Variants in H2BC4 observed in about 807,000 individuals in gnomAD.
H2BC4 encodes the protein H2B clustered histone 4, also known as histone H2B type 1-C/E/F/G/I.
A neutral mutation model predicts 6.2 loss-of-function variants in H2BC4; 10 were observed. The observed-to-expected ratio is 1.61, with a 90% CI of 0.99 to 2.73. The LOEUF is 2.73. H2BC4 is among the 30% of genes most tolerant of loss of function. The probability of loss-of-function intolerance (pLI) is 0.00; values close to 1 mark genes in which losing one functional copy is unlikely to be tolerated. For synonymous variants in H2BC4, 146 were observed against 70.7 expected (o/e 2.07, Z -5.35); for missense variants, 176 against 168.7 (o/e 1.04, Z -0.24).
rs1206693405 is a variant in H2BC4, at chr6:26,123,467, T to C, written c.*57A>G. 1.2e-6 allele frequency: 2 copies of C among 1,607,126 alleles called. No homozygotes were observed. Among genetic ancestry groups the C allele is most frequent in the Non-Finnish European group, 1.7e-6 (2 of 1,177,206 alleles). ...GGCCACAGCTCTTTTAGTGGGTATC[T>C]GGGTGGCTCTTAAAAGAGCCTTTGG... On this transcript the variant is annotated 3_prime_UTR_variant, in exon 1 of 1. Coordinates refer to ENST00000396984, the MANE Select transcript of H2BC4 (RefSeq NM_003526.3).
intron 1 of H2BC4, among the ~76,000 whole-genome samples, chr6:26,117,719 A>C (rs987945796): frequency 3.9e-5 from 6 of 152,268 alleles, no homozygotes; most frequent in Non-Finnish European, 7.3e-5. Flanking sequence ...TGCTCAAGGT[A>C]TATCAAGCAA....
downstream of H2BC4, among the ~76,000 whole-genome samples, chr6:26,122,875 T>C (rs1763521848): frequency 6.6e-6 from 1 of 152,174 alleles, no homozygotes; most frequent in Non-Finnish European, 1.5e-5. Context: ...AGTGCTTACA[T>C]CTTTAGTTCT....
chr6:26,113,828 T>C (rs1763387925), downstream of H2BC4, among the ~76,000 whole-genome samples: 2 of 152,060 alleles, frequency 1.3e-5, no homozygotes, highest in African/African-American at 4.8e-5. Context: ...CACATAGCCT[T>C]TCCTCAGTAT....
At chr6:26,115,082 T>C (rs938952477) in exon 2 of H2BC4, 2 of 152,180 alleles carry the variant, frequency 1.3e-5, no homozygotes, top group African/African-American at 4.8e-5. Context: ...GATGAAACAG[T>C]GTCCAGCAGT....
At chr6:26,122,841 GATGT>G (rs1352551101), downstream of H2BC4, among the ~76,000 whole-genome samples, 2 of 152,216 alleles carry the variant, frequency 1.3e-5, no homozygotes, top group African/African-American at 2.4e-5. Flanking sequence ...AATAGAATAA[GATGT>G]ATGAAGCAAC....
At chr6:26,119,270 A>G (rs1309983709), downstream of H2BC4, among the ~76,000 whole-genome samples, 4 of 152,206 alleles carry the variant, frequency 2.6e-5, no homozygotes, top group Non-Finnish European at 5.9e-5. Flanking sequence ...AACAGTATCT[A>G]TTCTAAGGCA....
chr6:26,121,606 CAT>C (rs1042707268), downstream of H2BC4, among the ~76,000 whole-genome samples: 1 of 152,022 alleles, frequency 6.6e-6, no homozygotes, highest in African/African-American at 2.4e-5. Context: ...CAGGCAAAAA[CAT>C]AATCTATGTA....
chr6:26,122,165 A>C (rs962303574), downstream of H2BC4, among the ~76,000 whole-genome samples: 2 of 152,154 alleles, frequency 1.3e-5, no homozygotes, highest in African/African-American at 2.4e-5. Context: ...CTGTGATTGC[A>C]CAGCAGTGTT....
downstream of H2BC4, among the ~76,000 whole-genome samples, chr6:26,121,551 C>T (rs984694622): frequency 2.0e-5 from 3 of 152,004 alleles, no homozygotes; most frequent in African/African-American, 7.3e-5. Context: ...TTACTGGGTA[C>T]TTGTACAGAA....
downstream of H2BC4, among the ~76,000 whole-genome samples, chr6:26,121,330 G>A (rs887604032): frequency 3.3e-5 from 5 of 152,302 alleles, no homozygotes; most frequent in South Asian, 1.0e-3. Context: ...AATCAGCCAA[G>A]TCCAATTAGA....
downstream of H2BC4, among the ~76,000 whole-genome samples, chr6:26,113,725 G>A (rs546827629): frequency 2.0e-5 from 3 of 152,268 alleles, no homozygotes; most frequent in East Asian, 3.9e-4. Flanking sequence ...AGTTCTGGAG[G>A]CTGGAAGTCT....
chr6:26,123,080 A>G (rs1763527773), downstream of H2BC4, among the ~76,000 whole-genome samples: 1 of 152,212 alleles, frequency 6.6e-6, no homozygotes, highest in Admixed American at 6.5e-5. Context: ...CAGAGTCTCA[A>G]AACAGCTTTC....
downstream of H2BC4, among the ~76,000 whole-genome samples, chr6:26,121,400 T>C (rs1242335595): frequency 6.6e-6 from 1 of 152,074 alleles, no homozygotes; most frequent in Non-Finnish European, 1.5e-5. Context: ...CAAAGGAAAG[T>C]GAACAGAAAA....
downstream of H2BC4, chr6:26,123,336 C>T (rs1763535690): frequency 3.9e-6 from 4 of 1,022,682 alleles, no homozygotes. Context: ...TGGCTTCTTT[C>T]GGGTTCAGGA....
chr6:26,118,982 T>C (rs76869871), downstream of H2BC4, among the ~76,000 whole-genome samples: 2,190 of 152,134 alleles, frequency 0.014, 20 homozygotes, highest in Non-Finnish European at 0.02. Context: ...TGACAATCCA[T>C]AGTAAATTGA....
downstream of H2BC4, among the ~76,000 whole-genome samples, chr6:26,114,081 C>T (rs1763390326): frequency 6.6e-6 from 1 of 151,990 alleles, no homozygotes; most frequent in Non-Finnish European, 1.5e-5. Flanking sequence ...CAATTCAGTC[C>T]ATAGTAAACA....
chr6:26,123,609 A>G lies in H2BC4; in HGVS notation c.296T>C (p.Val99Ala), dbSNP rs2113799782. The change falls in exon 1 of 1, where the codon GTG (valine) becomes GCG (alanine). Residue 99 changes from valine (V) to alanine (A), a missense_variant. Physicochemically the swap from Val to Ala is moderately conservative, Grantham distance 64 (BLOSUM62 0). Transcript: ENST00000396984. ...CAGCTCTCCGGGAAGCAGCAGGCGC[A>G]CGGCCGTCTGGATCTCCCTGGAGGT... Reference protein sequence around the residue: ...TITSREIQTAVRLLLPGELAK... With the variant: ...TITSREIQTAARLLLPGELAK... 6.2e-7 allele frequency: 1 copy of G among 1,614,256 alleles called. No homozygotes were observed. Among genetic ancestry groups the G allele is most frequent in the East Asian group, 2.2e-5 (1 of 44,886 alleles).
intron 1 of H2BC4, among the ~76,000 whole-genome samples, chr6:26,116,519 C>A (rs777883867): frequency 1.3e-5 from 2 of 151,962 alleles, no homozygotes; most frequent in Non-Finnish European, 2.9e-5. Flanking sequence ...ATAGTAAGAC[C>A]CCATCTCTAC....
chr6:26,123,125 C>T (rs370170580), downstream of H2BC4, among the ~76,000 whole-genome samples: 1 of 152,254 alleles, frequency 6.6e-6, no homozygotes, highest in East Asian at 1.9e-4. Flanking sequence ...GACAGGACAG[C>T]CTATTGGCTA....
Sources: allele counts gnomAD v4.1 joint callset (sites outside exome capture counted in the v4.1 genomes callset), GRCh38; gene constraint gnomAD v4.1.1; transcripts MANE v1.5; gene names NCBI Gene and HGNC (gene_info 2026-07-23, HGNC 2026-07-21).